ZFHX3: variants seen among roughly 807,000 people sequenced by gnomAD.
ZFHX3 encodes the protein zinc finger homeobox 3, also known as zinc finger homeobox protein 3.
In ZFHX3, 42 loss-of-function variants were observed where a neutral mutation model predicts 279.1. That is an observed-to-expected ratio of 0.15 (90% CI 0.12 to 0.19). ZFHX3 has a LOEUF of 0.19. Among genes scored for constraint, ZFHX3 ranks in the 10% least tolerant of loss-of-function variants. The pLI is 1.00. For missense variants in ZFHX3, 4,981 were observed against 4,754.0 expected (o/e 1.05, Z -1.40); for synonymous variants, 2,293 against 1,957.8 (o/e 1.17, Z -4.52).
intron 1 of ZFHX3, among the ~76,000 whole-genome samples, chr16:73,847,019 G>A (rs1961466767): frequency 6.6e-6 from 1 of 152,076 alleles, no homozygotes; most frequent in African/African-American, 2.4e-5. Context: ...AGCCCTTAAG[G>A]GGCCAGGCAC....
chr16:73,615,760 C>T (rs747285374), intron 2 of ZFHX3, among the ~76,000 whole-genome samples: 2 of 152,140 alleles, frequency 1.3e-5, no homozygotes, highest in Admixed American at 1.3e-4. Flanking sequence ...TACAGTGATA[C>T]AGAGACAGAA....
At chr16:73,340,203 A>T (rs1355596461) in intron 3 of ZFHX3, among the ~76,000 whole-genome samples, 1 of 152,200 alleles carries the variant, frequency 6.6e-6, no homozygotes, top group Non-Finnish European at 1.5e-5. Flanking sequence ...AGGTTATTGA[A>T]CTTGCTCATA....
Position 72,898,897 on chromosome 16 carries a change from A to T in ZFHX3, c.3217-8935T>A, listed in dbSNP as rs146000261. ...TACCAGATCATAATGTCACAAGCAA[A>T]ATGAGGACTGGTTTCCACAATGGCT... On this transcript the variant is annotated intron_variant, in intron 3 of 9. Transcript: ENST00000268489. 5.3e-5 allele frequency among the ~76,000 whole-genome samples: 8 copies of T among 152,160 alleles called. No individual in the cohort carries two copies. In the East Asian group the frequency reaches 1.6e-3, roughly 30 times the overall value.
rs578092478 is a variant in ZFHX3 at position 73,474,129 on chromosome 16, T to TTTTATTTA, written c.-1546-17879_-1546-17872dup. Among the ~76,000 whole-genome samples, 144 of 148,808 alleles carry TTTTATTTA rather than the reference T, an allele frequency of 9.7e-4. 2 individuals carry two copies. Among genetic ancestry groups the TTTTATTTA allele is most frequent in the African/African-American group, 3.3e-3 (134 of 40,562 alleles). On this transcript the variant is annotated intron_variant, in intron 2 of 17. Transcript: ENST00000641206. ...CTTTGGGGTCTGGATTCTCGCTCTT[T>TTTTATTTA]TTTATTTATTTATTTATTTATTTAT...
intron 3 of ZFHX3, among the ~76,000 whole-genome samples, chr16:73,367,939 G>C (rs1278235159): frequency 6.7e-6 from 1 of 148,480 alleles, no homozygotes; most frequent in Non-Finnish European, 1.5e-5. Context: ...CATGGTCTCA[G>C]CTCACTGCAA....
chr16:73,575,476 C>A (rs1284757756), intron 2 of ZFHX3, among the ~76,000 whole-genome samples: 1 of 152,092 alleles, frequency 6.6e-6, no homozygotes, highest in African/African-American at 2.4e-5. Context: ...TTAACAGGTG[C>A]AGGATGAAAT....
chr16:73,154,089 G>A (rs907517153), intron 5 of ZFHX3, among the ~76,000 whole-genome samples: 1 of 152,146 alleles, frequency 6.6e-6, no homozygotes, highest in Admixed American at 6.5e-5. Flanking sequence ...CGACCATTGC[G>A]AAAATGTGCA....
chr16:73,872,129 G>A (rs2029863375), intron 1 of ZFHX3, among the ~76,000 whole-genome samples: 2 of 152,126 alleles, frequency 1.3e-5, no homozygotes, highest in South Asian at 4.1e-4. Context: ...AAAGCCAATA[G>A]GCATTCCGCA....
At chr16:73,379,346 A>G (rs1198339061) in intron 3 of ZFHX3, among the ~76,000 whole-genome samples, 4 of 151,940 alleles carry the variant, frequency 2.6e-5, no homozygotes, top group African/African-American at 4.8e-5. Flanking sequence ...ACAGGCCCCA[A>G]TCTATCACCC....
At chr16:73,550,350 G>C (rs975402349) in intron 2 of ZFHX3, among the ~76,000 whole-genome samples, 3 of 152,130 alleles carry the variant, frequency 2.0e-5, no homozygotes, top group Non-Finnish European at 2.9e-5. Context: ...CCCTTTGATG[G>C]AGTGGACGAT....
intron 1 of ZFHX3, among the ~76,000 whole-genome samples, chr16:73,779,712 G>A (rs432037): frequency 0.56 from 85,576 of 152,084 alleles, 25,555 homozygotes; most frequent in African/African-American, 0.78. Context: ...TGATGAAACA[G>A]TAATCCCAAG....
At chr16:73,278,981 C>T (rs972040173) in intron 4 of ZFHX3, among the ~76,000 whole-genome samples, 1 of 152,234 alleles carries the variant, frequency 6.6e-6, no homozygotes, top group Non-Finnish European at 1.5e-5. Context: ...CACCTGTCTT[C>T]TGTTTTTTCT....
At chr16:73,819,079 A>T (rs138912045) in intron 1 of ZFHX3, among the ~76,000 whole-genome samples, 153 of 152,156 alleles carry the variant, frequency 1.0e-3, no homozygotes, top group African/African-American at 3.6e-3. Context: ...TGGGGCACTG[A>T]GGTCAATGGT....
At chr16:73,370,324 T>C (rs2016604360) in intron 3 of ZFHX3, among the ~76,000 whole-genome samples, 1 of 152,162 alleles carries the variant, frequency 6.6e-6, no homozygotes, top group Admixed American at 6.5e-5. Context: ...ATCAAAGCCA[T>C]TTGATTTTTT....
At chr16:73,426,305 G>C (rs1220036609) in intron 3 of ZFHX3, among the ~76,000 whole-genome samples, 1 of 152,160 alleles carries the variant, frequency 6.6e-6, no homozygotes, top group Non-Finnish European at 1.5e-5. Flanking sequence ...TTGTTTGTTT[G>C]CAAACTAGAG....
intron 2 of ZFHX3, among the ~76,000 whole-genome samples, chr16:73,576,900 C>G (rs1405154646): frequency 6.6e-6 from 1 of 152,090 alleles, no homozygotes; most frequent in Non-Finnish European, 1.5e-5. Flanking sequence ...CAAGTAGGCC[C>G]CAGTGCAAAA....
chr16:73,884,556 G>C (rs2030285041), intron 1 of ZFHX3, among the ~76,000 whole-genome samples: 1 of 152,160 alleles, frequency 6.6e-6, no homozygotes, highest in South Asian at 2.1e-4. Flanking sequence ...AAAGCACTTT[G>C]TTCATTCAGC....
rs369517712 is a variant in ZFHX3, at chr16:72,958,669, C to G, written c.1477G>C (p.Gly493Arg). ...TCATCCAACTCGCTTGGAAAGAGTCCTTTGCAACCCTCGTCTTCCTCCTCC... is the reference window on the plus strand; with the variant it reads ...TCATCCAACTCGCTTGGAAAGAGTCGTTTGCAACCCTCGTCTTCCTCCTCC... ...EEEEEDEGCK[G>R]LFPSELDEEL... is the part of the protein sequence containing the mutation. The change falls in exon 2 of 10, where the codon GGA becomes CGA. Residue 493 changes from glycine (G) to arginine (R), a missense_variant. This residue lies in a region of ZFHX3 where 1,068 missense variants were observed against 935.2 expected (regional missense o/e 1.14). Coordinates refer to ENST00000268489, the MANE Select transcript of ZFHX3 (RefSeq NM_006885.4). 23 of 1,613,856 alleles carry G rather than the reference C, an allele frequency of 1.4e-5. No individual in the cohort carries two copies. The highest frequency in any genetic ancestry group is 1.9e-5 in the Non-Finnish European group (22 of 1,180,014).
At chr16:72,800,738 C>G (rs1597248343) in intron 7 of ZFHX3, among the ~76,000 whole-genome samples, 1 of 126,298 alleles carries the variant, frequency 7.9e-6, no homozygotes, top group African/African-American at 2.5e-5. Context: ...ACAAACAAGC[C>G]TTTTTTTGTG....
Sources: allele counts gnomAD v4.1 joint callset (sites outside exome capture counted in the v4.1 genomes callset), GRCh38; gene constraint gnomAD v4.1.1; regional missense constraint gnomAD v4.1.1; transcripts MANE v1.5; gene names NCBI Gene and HGNC (gene_info 2026-07-23, HGNC 2026-07-21).